DHX40: variants seen among roughly 807,000 people sequenced by gnomAD.
DHX40 encodes the protein DEAH-box helicase 40, also known as probable ATP-dependent RNA helicase DHX40.
DHX40 carries 28 observed loss-of-function variants against 89.6 expected under a neutral mutation model. The ratio of observed to expected loss-of-function variants is 0.31; its 90% CI spans 0.23 to 0.43. The LOEUF is 0.43. DHX40 is among the 20% of genes least tolerant of loss of function. The pLI is 1.00. For synonymous variants in DHX40, 226 were observed against 283.6 expected (o/e 0.80, Z 2.04); for missense variants, 457 against 844.0 (o/e 0.54, Z 5.68).
intron 15 of DHX40, chr17:59,604,517 A>G (rs2030725362): frequency 6.5e-6 from 1 of 153,506 alleles, no homozygotes; most frequent in South Asian, 2.0e-4. Context: ...ATGAATATAT[A>G]CAAAGTACTA....
intron 15 of DHX40, among the ~76,000 whole-genome samples, 182 bp downstream of exon 15, chr17:59,602,798 A>G (rs1388891018): frequency 2.6e-5 from 4 of 152,134 alleles, no homozygotes; most frequent in African/African-American, 9.7e-5. Context: ...AGAATGTGGT[A>G]TTAGAGCTCA....
rs867748004 is a variant in DHX40, at chr17:59,589,077, G to C, written c.1582+1024G>C. Reference sequence around the variant, plus strand: ...TCTTCCACCAATACCACACTGTCCTGGTTATTGGAGCTTTATAGTAACTCT... The same window carrying C: ...TCTTCCACCAATACCACACTGTCCTCGTTATTGGAGCTTTATAGTAACTCT... On this transcript the variant is annotated intron_variant, in intron 12 of 17. Transcript: ENST00000251241. 3.9e-5 allele frequency among the ~76,000 whole-genome samples: 6 copies of C among 152,034 alleles called. 1 individual carries two copies. The highest frequency in any genetic ancestry group is 1.4e-4 in the African/African-American group (6 of 41,484).
intron 3 of DHX40, 79 bp from the exon 4 acceptor site, chr17:59,573,037 T>C: frequency 5.4e-6 from 8 of 1,488,490 alleles, no homozygotes; most frequent in Non-Finnish European, 7.3e-6. Context: ...TTTGATCACT[T>C]AATGTTTGTA....
At position 59,607,987 on chromosome 17, in the gene DHX40, C is replaced by G. The variant is rs1285850472; in HGVS notation, c.*815C>G. ...GTGATAGTACTTTCAAACAGCGCCT[C>G]CACCTGGCCTACTCTGTTATTTCCA... On this transcript the variant is annotated 3_prime_UTR_variant, in exon 18 of 18. Coordinates refer to ENST00000251241, the MANE Select transcript of DHX40 (RefSeq NM_024612.5). 3 of 154,640 alleles carry G rather than the reference C, an allele frequency of 1.9e-5. No homozygotes were observed. Among genetic ancestry groups the G allele is most frequent in the Non-Finnish European group, 2.9e-5 (2 of 68,194 alleles). The allele number at this position is 154,640 out of a possible 1,614,324, so 9.6% of individuals were successfully genotyped here.
At chr17:59,569,317 G>C (rs1453604554) in intron 2 of DHX40, among the ~76,000 whole-genome samples, 1 of 144,030 alleles carries the variant, frequency 6.9e-6, no homozygotes, top group Admixed American at 7.0e-5. Flanking sequence ...AACAGAGCAA[G>C]ACTCTATCTC....
At chr17:59,590,471 T>A (rs1016939821) in intron 12 of DHX40, among the ~76,000 whole-genome samples, 3 of 151,416 alleles carry the variant, frequency 2.0e-5, no homozygotes, top group East Asian at 1.9e-4. Context: ...ATTTAAAAAA[T>A]TTTTAAATTT....
intron 2 of DHX40, among the ~76,000 whole-genome samples, chr17:59,568,062 T>C (rs1486725889): frequency 1.3e-5 from 2 of 150,858 alleles, no homozygotes; most frequent in East Asian, 2.0e-4. Flanking sequence ...GTGAAACCCG[T>C]CTATACTAAA....
At chr17:59,571,596 C>CTT (rs879617178) in intron 3 of DHX40, among the ~76,000 whole-genome samples, 22 of 144,552 alleles carry the variant, frequency 1.5e-4, no homozygotes, top group Admixed American at 5.6e-4. Flanking sequence ...CTGGTAACTT[C>CTT]TTTTTTTTTT....
intron 16 of DHX40, 85 bp from the exon 17 acceptor site, chr17:59,605,361 A>G (rs912720595): frequency 1.3e-5 from 19 of 1,410,300 alleles, no homozygotes; most frequent in African/African-American, 1.4e-5. Context: ...GAATTAATTG[A>G]GAAGGATTTG....
At chr17:59,571,312 C>T (rs565958701) in intron 3 of DHX40, among the ~76,000 whole-genome samples, 89 of 151,996 alleles carry the variant, frequency 5.9e-4, no homozygotes, top group African/African-American at 2.0e-3. Flanking sequence ...ACAAAATTAG[C>T]TGGGCACGGT....
chr17:59,595,455 C>T (rs540105106), intron 12 of DHX40, among the ~76,000 whole-genome samples: 13 of 151,658 alleles, frequency 8.6e-5, no homozygotes, highest in East Asian at 7.7e-4. Flanking sequence ...AGATGAACTC[C>T]GTAGCCTGGA....
intron 4 of DHX40, 144 bp downstream of exon 4, chr17:59,573,379 G>C: frequency 4.1e-6 from 3 of 723,338 alleles, no homozygotes; most frequent in Non-Finnish European, 6.6e-6. Flanking sequence ...ACCCAGGCTG[G>C]AGAGCAGTGG....
intron 2 of DHX40, among the ~76,000 whole-genome samples, chr17:59,568,473 C>T (rs575560095): frequency 6.6e-6 from 1 of 152,252 alleles, no homozygotes; most frequent in South Asian, 2.1e-4. Context: ...TCTAAGACCA[C>T]TCAATGCCTG....
chr17:59,583,879 CAAAAA>C (rs1195580624), intron 10 of DHX40, among the ~76,000 whole-genome samples: 1 of 100,008 alleles, frequency 1.0e-5, no homozygotes, highest in Non-Finnish European at 1.9e-5. Flanking sequence ...GACTCTGTCT[CAAAAA>C]AAAAAATTTT....
At chr17:59,602,685 T>C (rs2030606802) in intron 15 of DHX40, 69 bp downstream of exon 15, 1 of 1,259,498 alleles carries the variant, frequency 7.9e-7, no homozygotes, top group African/African-American at 1.5e-5. Context: ...TTGGACTATT[T>C]AATATTAAAC....
Position 59,590,745 on chromosome 17 carries a change from C to G in DHX40, c.1582+2692C>G, listed in dbSNP as rs1354149492. 3.9e-5 allele frequency among the ~76,000 whole-genome samples: 6 copies of G among 152,014 alleles called. No individual in the cohort carries two copies. In the East Asian group the frequency reaches 1.2e-3, roughly 29 times the overall value. On this transcript the variant is annotated intron_variant, in intron 12 of 17. Coordinates refer to ENST00000251241, the MANE Select transcript of DHX40 (RefSeq NM_024612.5). The stretch of plus-strand genomic sequence containing the variant: ...TTGGCCTCTTAAAATGCTGGTATTA[C>G]AGGCCTGAGCCATTGCACCCAGCAG...
At chr17:59,583,856 G>A (rs2048969141) in intron 10 of DHX40, among the ~76,000 whole-genome samples, 1 of 108,846 alleles carries the variant, frequency 9.2e-6, no homozygotes, top group Admixed American at 9.8e-5. Flanking sequence ...CTCCAGCCTG[G>A]GCGACAGAGC....
intron 12 of DHX40, among the ~76,000 whole-genome samples, chr17:59,594,127 G>T (rs1172501540): frequency 6.6e-6 from 1 of 151,990 alleles, no homozygotes; most frequent in Non-Finnish European, 1.5e-5. Flanking sequence ...TTGGGCATGA[G>T]AACAATCTTC....
intron 12 of DHX40, among the ~76,000 whole-genome samples, chr17:59,595,245 A>G (rs2029956920): frequency 6.6e-6 from 1 of 151,434 alleles, no homozygotes; most frequent in Non-Finnish European, 1.5e-5. Context: ...CACCATGCCC[A>G]GCTAATTTTG....
Sources: allele counts gnomAD v4.1 joint callset (sites outside exome capture counted in the v4.1 genomes callset), GRCh38; gene constraint gnomAD v4.1.1; transcripts MANE v1.5; gene names NCBI Gene and HGNC (gene_info 2026-07-23, HGNC 2026-07-21).